The following UTRN variants were observed in gnomAD, a reference collection of about 807,000 sequenced individuals.
The protein encoded by UTRN is dystrophin-related protein 1.
In UTRN, 283 loss-of-function variants were observed where a neutral mutation model predicts 463.9. The ratio of observed to expected loss-of-function variants is 0.61; its 90% CI spans 0.55 to 0.67. The LOEUF is 0.67. Among genes scored for constraint, UTRN ranks in the 30% least tolerant of loss-of-function variants. The probability of loss-of-function intolerance (pLI) is 0.00; values close to 1 mark genes in which losing one functional copy is unlikely to be tolerated. For missense variants in UTRN, 3,922 were observed against 4,084.3 expected, an observed-to-expected ratio of 0.96 and a Z score of 1.08; for synonymous variants, 1,442 against 1,431.5, an observed-to-expected ratio of 1.01 and a Z score of -0.17.
At chr6:144,400,573 T>C (rs1475547015) in intron 2 of UTRN, among the ~76,000 whole-genome samples, 6 of 152,174 alleles carry the variant, frequency 3.9e-5, no homozygotes, top group African/African-American at 1.2e-4. Flanking sequence ...CTTGTTCTTT[T>C]ACTGAATTCC....
chr6:144,413,371 G>T lies in UTRN; in HGVS notation c.142-8507G>T, dbSNP rs544040736. On this transcript the variant is annotated intron_variant, in intron 3 of 74. Coordinates refer to ENST00000367545, the MANE Select transcript of UTRN (RefSeq NM_007124.3). ...GACTGGGTAATTTATAAAGGAAAGA[G>T]GTTTAATTGACCCACAGTTCCACAT... Among the ~76,000 whole-genome samples, 3 of 152,280 alleles carry T rather than the reference G, an allele frequency of 2.0e-5. No homozygotes were observed. The South Asian group carries it at 6.2e-4, about 32-fold the overall frequency.
At chr6:144,438,287 T>C (rs908715911) in intron 11 of UTRN, among the ~76,000 whole-genome samples, 6 of 152,128 alleles carry the variant, frequency 3.9e-5, no homozygotes, top group Admixed American at 3.9e-4. Flanking sequence ...AGACATTTCA[T>C]AGGGGCAGTT....
intron 54 of UTRN, among the ~76,000 whole-genome samples, chr6:144,744,385 A>ATTATGTATAATATATACATAATTTTAC (rs1407728901): frequency 5.5e-4 from 80 of 145,226 alleles, no homozygotes; most frequent in Admixed American, 7.6e-4. Flanking sequence ...ATATATAAAA[A>ATTATGTATAATATATACATAATTTTAC]TTATGTATAA....
In UTRN at chr6:144,357,096, T is replaced by C. The variant is rs530897894; in HGVS notation, c.80-46027T>C. Among the ~76,000 whole-genome samples, 6 of 152,270 alleles carry C rather than the reference T, an allele frequency of 3.9e-5. No individual in the cohort carries two copies. In the East Asian group the frequency reaches 9.7e-4, roughly 25 times the overall value. On this transcript the variant is annotated intron_variant, in intron 2 of 74. Coordinates refer to ENST00000367545, the MANE Select transcript of UTRN (RefSeq NM_007124.3). Reference sequence around the variant, plus strand: ...CTTTTTTACTTGCCCTCACCTGCCATGTTCCTGACACTGCAGCCTCGAGAA... The same window carrying C: ...CTTTTTTACTTGCCCTCACCTGCCACGTTCCTGACACTGCAGCCTCGAGAA...
chr6:144,559,980 G>A (rs1254281275), intron 50 of UTRN, among the ~76,000 whole-genome samples: 4 of 152,024 alleles, frequency 2.6e-5, no homozygotes, highest in Admixed American at 2.6e-4. Context: ...AATTTATTCA[G>A]GCTGCTATAC....
At chr6:144,573,288 CAGCCTGTAATGCCAGTACTTTTGG>C (rs1801126360) in intron 50 of UTRN, among the ~76,000 whole-genome samples, 1 of 152,054 alleles carries the variant, frequency 6.6e-6, no homozygotes, top group Non-Finnish European at 1.5e-5. Flanking sequence ...CACAGTGGCT[CAGCCTGTAATGCCAGTACTTTTGG>C]AGGCTGAGGC....
chr6:144,753,281 CT>C (rs1394051173), intron 56 of UTRN, among the ~76,000 whole-genome samples: 1 of 152,118 alleles, frequency 6.6e-6, no homozygotes, highest in Admixed American at 6.6e-5. Flanking sequence ...TTTAGTAACC[CT>C]TTACATTTTC....
Position 144,388,174 on chromosome 6 carries a change from C to G in UTRN, c.80-14949C>G, listed in dbSNP as rs137939068. 1.6e-3 allele frequency among the ~76,000 whole-genome samples: 245 copies of G among 152,342 alleles called. 3 individuals carry two copies. In the Middle Eastern group the frequency reaches 0.02, roughly 13 times the overall value. On this transcript the variant is annotated intron_variant, in intron 2 of 74. Transcript: ENST00000367545. ...TGCTAACATTTTGGCTCTTGGCTTTCTGTCATACGTACACTTACGTATAAG... is the reference window on the plus strand; with the variant it reads ...TGCTAACATTTTGGCTCTTGGCTTTGTGTCATACGTACACTTACGTATAAG...
rs145159656 is a variant in UTRN, at chr6:144,317,413, T to C, written c.79+25506T>C. 5.3e-5 allele frequency among the ~76,000 whole-genome samples: 8 copies of C among 152,346 alleles called. No individual in the cohort carries two copies. The East Asian group carries it at 1.5e-3, about 29-fold the overall frequency. On this transcript the variant is annotated intron_variant, in intron 2 of 74. Transcript: ENST00000367545. Reference sequence around the variant, plus strand: ...TCTGATATATATATTTATTTTAGTTTATTTTTTTTGAGATGGAGTCTTGCT... The same window carrying C: ...TCTGATATATATATTTATTTTAGTTCATTTTTTTTGAGATGGAGTCTTGCT...
At chr6:144,308,636 G>A (rs958252880) in intron 2 of UTRN, among the ~76,000 whole-genome samples, 11 of 151,976 alleles carry the variant, frequency 7.2e-5, no homozygotes, top group African/African-American at 2.7e-4. Context: ...GCAAACCAAA[G>A]AGGAATCCAG....
Position 144,533,073 on chromosome 6 carries a change from G to A in UTRN, c.6058-12G>A, listed in dbSNP as rs532565286. On this transcript the variant is annotated splice_polypyrimidine_tract_variant and intron_variant, in intron 42 of 74. Coordinates refer to ENST00000367545, the MANE Select transcript of UTRN (RefSeq NM_007124.3). ...ATTAGTGAAACTAATCTTGAGTTGT[G>A]CTCTGTTACAGGAACTTGAGGTGGG... is the stretch of plus-strand genomic sequence containing the variant. The A allele has an allele frequency of 1.9e-5, 27 of 1,449,070 alleles. No homozygotes were observed. The South Asian group carries it at 2.8e-4, about 15-fold the overall frequency. 89.8% of individuals were successfully genotyped at this position (1,449,070 alleles called of 1,614,324 possible). A position where few individuals can be genotyped will look rare whatever the true frequency, so the allele number is the denominator to read the frequency against.
chr6:144,509,881 C>T (rs1795032541), intron 34 of UTRN, among the ~76,000 whole-genome samples: 1 of 152,026 alleles, frequency 6.6e-6, no homozygotes, highest in African/African-American at 2.4e-5. Context: ...CTATTCTAGT[C>T]AATCAGTACA....
chr6:144,842,488 C>G (rs1394740973), intron 73 of UTRN, among the ~76,000 whole-genome samples: 3 of 151,540 alleles, frequency 2.0e-5, no homozygotes, highest in African/African-American at 7.3e-5. Flanking sequence ...ACTTGGGAGG[C>G]TGAGGCATGA....
At chr6:144,461,676 A>G (rs1584881575) in intron 22 of UTRN, among the ~76,000 whole-genome samples, 1 of 152,128 alleles carries the variant, frequency 6.6e-6, no homozygotes, top group South Asian at 2.1e-4. Flanking sequence ...ATCGAATAGG[A>G]ATGTTTCCGA....
rs1585280338 is a variant in UTRN, at chr6:144,561,232, T to C, written c.7289+3921T>C. Among the ~76,000 whole-genome samples, 3 of 102,072 alleles carry C rather than the reference T, an allele frequency of 2.9e-5. No homozygotes were observed. The Admixed American group carries it at 2.9e-4, about 10-fold the overall frequency. The allele number at this position is 102,072 out of a possible 152,430, so 67.0% of individuals were successfully genotyped here. On this transcript the variant is annotated intron_variant, in intron 50 of 74. Transcript: ENST00000367545. ...ATATATATATATATATATATATATATATATATATATATATATATATATATA... is the reference window on the plus strand; with the variant it reads ...ATATATATATATATATATATATATACATATATATATATATATATATATATA...
At chr6:144,353,755 G>A (rs1408855014) in intron 2 of UTRN, among the ~76,000 whole-genome samples, 2 of 152,168 alleles carry the variant, frequency 1.3e-5, no homozygotes, top group Non-Finnish European at 2.9e-5. Context: ...GCTGAGGGAC[G>A]AGAATCGCTT....
chr6:144,759,065 G>T (rs1231841988), intron 58 of UTRN, among the ~76,000 whole-genome samples: 1 of 152,006 alleles, frequency 6.6e-6, no homozygotes, highest in East Asian at 1.9e-4. Flanking sequence ...ATTACAGTCT[G>T]AGATGTAAGC....
chr6:144,576,433 G>T (rs1237986795), intron 50 of UTRN, among the ~76,000 whole-genome samples: 1 of 152,056 alleles, frequency 6.6e-6, no homozygotes, highest in East Asian at 1.9e-4. Flanking sequence ...TAGATTTAAT[G>T]AAGGGTTTAT....
chr6:144,817,329 C>T (rs1018576291), intron 65 of UTRN, among the ~76,000 whole-genome samples: 5 of 152,032 alleles, frequency 3.3e-5, no homozygotes, highest in African/African-American at 1.2e-4. Context: ...CCGAATCTTC[C>T]AAGAAATGCA....
Sources: allele counts gnomAD v4.1 joint callset (sites outside exome capture counted in the v4.1 genomes callset), GRCh38; gene constraint gnomAD v4.1.1; transcripts MANE v1.5; gene names NCBI Gene and HGNC (gene_info 2026-07-23, HGNC 2026-07-21).